The following ZNF365 variants were observed in gnomAD, a reference collection of about 807,000 sequenced individuals.
The protein encoded by ZNF365 is protein ZNF365.
Under a neutral mutation model 35.0 loss-of-function variants are expected in ZNF365, and 22 were observed. The ratio of observed to expected loss-of-function variants is 0.63; its 90% confidence interval spans 0.45 to 0.90. The LOEUF (loss-of-function observed/expected upper bound fraction) is 0.90, where lower values mean the gene tolerates loss of function less well. ZNF365 is among the 40% of genes least tolerant of loss of function. The pLI is 0.00. For synonymous variants in ZNF365, 188 were observed against 196.2 expected, an observed-to-expected ratio of 0.96 and a Z score of 0.35; for missense variants, 448 against 500.3, an observed-to-expected ratio of 0.90 and a Z score of 1.00.
intron 2 of ZNF365, among the ~76,000 whole-genome samples, chr10:62,382,551 A>C (rs1004605739): frequency 2.0e-5 from 3 of 152,080 alleles, no homozygotes; most frequent in African/African-American, 4.8e-5. Flanking sequence ...TCACATCCCC[A>C]CTCTAGGCCC....
At chr10:62,392,659 T>C (rs183212279) in intron 3 of ZNF365, among the ~76,000 whole-genome samples, 3 of 152,228 alleles carry the variant, frequency 2.0e-5, no homozygotes, top group Non-Finnish European at 4.4e-5. Flanking sequence ...TGAGACGGAG[T>C]CTTGCTCTGT....
chr10:62,414,689 C>A (rs1019045704), intron 3 of ZNF365, among the ~76,000 whole-genome samples: 6 of 152,106 alleles, frequency 3.9e-5, no homozygotes, highest in African/African-American at 1.4e-4. Context: ...TGGCTTTCAG[C>A]CGTTTTATTA....
intron 3 of ZNF365, among the ~76,000 whole-genome samples, chr10:62,448,872 AAAGTATAG>A (rs879257284): frequency 0.02 from 3,032 of 152,332 alleles, 98 homozygotes; most frequent in African/African-American, 0.064. Context: ...CTCAATATTA[AAAGTATAG>A]TTATTAATAT....
chr10:62,432,741 G>A (rs1487523337), intron 3 of ZNF365, among the ~76,000 whole-genome samples: 3 of 152,180 alleles, frequency 2.0e-5, no homozygotes, highest in African/African-American at 7.2e-5. Flanking sequence ...TATAATGACA[G>A]AAGACGGGCA....
At chr10:62,431,049 A>C (rs1340318157) in intron 3 of ZNF365, among the ~76,000 whole-genome samples, 4 of 152,174 alleles carry the variant, frequency 2.6e-5, no homozygotes, top group Non-Finnish European at 5.9e-5. Flanking sequence ...AAAGGGGAAA[A>C]CCAAAGCAGT....
intron 2 of ZNF365, among the ~76,000 whole-genome samples, chr10:62,387,663 G>A (rs56135225): frequency 0.062 from 9,413 of 152,058 alleles, 675 homozygotes; most frequent in African/African-American, 0.18. Flanking sequence ...TAGTTTTCCC[G>A]GTGGTCTTTG....
chr10:62,407,483 C>G (rs1011669525), intron 3 of ZNF365, among the ~76,000 whole-genome samples: 7 of 152,186 alleles, frequency 4.6e-5, no homozygotes, highest in African/African-American at 1.7e-4. Flanking sequence ...TCCCTTTACC[C>G]TTCTTAGGAA....
At chr10:62,461,077 CAG>C (rs1797675777) in intron 4 of ZNF365, among the ~76,000 whole-genome samples, 1 of 152,162 alleles carries the variant, frequency 6.6e-6, no homozygotes, top group African/African-American at 2.4e-5. Flanking sequence ...TCCTCCACCC[CAG>C]AGAGAGACCC....
Position 62,399,894 on chromosome 10 carries a change from G to A in ZNF365, c.*105G>A, listed in dbSNP as rs912935950. ...AAACATTCCATAGTAAGACACATTG[G>A]AAAAGCCAAGGGCATAACACAGGCA... On this transcript the variant is annotated 3_prime_UTR_variant, in exon 5 of 5. Transcript: ENST00000395254. The A allele has an allele frequency of 2.1e-6, 3 of 1,453,078 alleles. No homozygotes were observed. Among genetic ancestry groups the A allele is most frequent in the East Asian group, 2.5e-5 (1 of 40,364 alleles). The allele number at this position is 1,453,078 out of a possible 1,614,324, so 90.0% of individuals were successfully genotyped here. A position where few individuals can be genotyped will look rare whatever the true frequency, so the allele number is the denominator to read the frequency against.
rs372952136 is a variant in ZNF365, at chr10:62,376,824, G to A, written c.631G>A (p.Val211Ile). The A allele has an allele frequency of 1.9e-6, 3 of 1,614,086 alleles. No homozygotes were observed. The highest frequency in any genetic ancestry group is 2.7e-5 in the African/African-American group (2 of 74,938). The part of the protein sequence containing the change: ...FVQLTQKKQE[V>I]QRRERALNRQ... Reference sequence around the variant, plus strand: ...GCAGCTGACTCAGAAAAAGCAGGAAGTTCAGAGACGAGAGCGGGCCTTAAA... The same window carrying A: ...GCAGCTGACTCAGAAAAAGCAGGAAATTCAGAGACGAGAGCGGGCCTTAAA... Residue 211 changes from valine to isoleucine, a missense_variant, in exon 2 of 5, where the codon GTT (valine) becomes ATT (isoleucine). By Grantham distance (29) the Val-to-Ile change is conservative. Transcript: ENST00000395254.
In ZNF365 at chr10:62,401,486, TG is replaced by T. The variant is rs5785521; in HGVS notation, c.*1705del. The T allele has an allele frequency of 0.67, 663,642 of 984,944 alleles. 225,064 individuals carry two copies. Among genetic ancestry groups the T allele is most frequent in the East Asian group, 0.77 (6,853 of 8,940 alleles). The allele number at this position is 984,944 out of a possible 1,614,324, so 61.0% of individuals were successfully genotyped here. A position where few individuals can be genotyped will look rare whatever the true frequency, so the allele number is the denominator to read the frequency against. On this transcript the variant is annotated 3_prime_UTR_variant, in exon 5 of 5. Transcript: ENST00000395254. ...AATCTTCACTTTGACTTTCAGTTTA[TG>T]GGGGGGGTAGATCATTCATGTGATA...
At chr10:62,450,205 T>C (rs1840657719) in intron 3 of ZNF365, among the ~76,000 whole-genome samples, 1 of 152,210 alleles carries the variant, frequency 6.6e-6, no homozygotes, top group South Asian at 2.1e-4. Context: ...TTCTTGGTAT[T>C]ACGTATAAGC....
At chr10:62,426,747 G>A (rs928612272) in intron 3 of ZNF365, among the ~76,000 whole-genome samples, 11 of 152,190 alleles carry the variant, frequency 7.2e-5, no homozygotes, top group African/African-American at 2.4e-4. Flanking sequence ...CTATAGGGAT[G>A]GTCCTTAGGT....
chr10:62,411,597 G>A (rs1340523444), intron 3 of ZNF365, among the ~76,000 whole-genome samples: 2 of 152,042 alleles, frequency 1.3e-5, no homozygotes, highest in Non-Finnish European at 2.9e-5. Context: ...CAGCTGAGTA[G>A]TCTTATTTCT....
At chr10:62,419,149 C>T (rs12780771) in intron 3 of ZNF365, among the ~76,000 whole-genome samples, 6 of 152,060 alleles carry the variant, frequency 3.9e-5, no homozygotes, top group African/African-American at 1.4e-4. Flanking sequence ...ACAGTCTACT[C>T]CTGAAGATAG....
At chr10:62,412,868 G>T (rs1840008531) in intron 3 of ZNF365, among the ~76,000 whole-genome samples, 1 of 152,158 alleles carries the variant, frequency 6.6e-6, no homozygotes, top group African/African-American at 2.4e-5. Context: ...TAGATTCAAT[G>T]CTATTCCCAC....
chr10:62,472,186 GTGTTAAAATGTCAAGGGGT>G (rs1229042259), intron 4 of ZNF365, among the ~76,000 whole-genome samples: 2 of 152,192 alleles, frequency 1.3e-5, no homozygotes, highest in Admixed American at 6.5e-5. Context: ...TCATCCCACT[GTGTTAAAATGTCAAGGGGT>G]TGCTTATCAC....
At chr10:62,474,019 A>G (rs549887397) in intron 4 of ZNF365, among the ~76,000 whole-genome samples, 5 of 152,314 alleles carry the variant, frequency 3.3e-5, no homozygotes, top group African/African-American at 1.2e-4. Context: ...GGAGGCACAC[A>G]TAGACATATT....
chr10:62,410,570 T>A (rs1425992703), intron 3 of ZNF365, among the ~76,000 whole-genome samples: 1 of 152,128 alleles, frequency 6.6e-6, no homozygotes, highest in Admixed American at 6.5e-5. Flanking sequence ...CCTATGTCTA[T>A]GTGTTCATAT....
Sources: gnomAD v4.1 joint callset for allele counts (sites outside exome capture counted in the v4.1 genomes callset) on GRCh38, gnomAD v4.1.1 for gene constraint, MANE v1.5 for transcripts, NCBI Gene and HGNC (gene_info 2026-07-23, HGNC 2026-07-21) for gene names.